Variants in EML6 observed in about 807,000 individuals in gnomAD.
EML6 encodes the protein EMAP like 6.
EML6 carries 154 observed loss-of-function variants against 240.1 expected under a neutral mutation model. The ratio of observed to expected loss-of-function variants is 0.64; its 90% CI spans 0.56 to 0.73. EML6 has a LOEUF of 0.73. Ranked by LOEUF, EML6 falls within the 30% of genes least tolerant of loss-of-function variation. The pLI is 0.00. For synonymous variants in EML6, 1,148 were observed against 899.0 expected, an observed-to-expected ratio of 1.28 and a Z score of -4.95; for missense variants, 2,964 against 2,474.6, an observed-to-expected ratio of 1.20 and a Z score of -4.20.
intron 25 of EML6, among the ~76,000 whole-genome samples, chr2:54,915,570 C>T (rs539198479): frequency 1.3e-5 from 2 of 152,178 alleles, no homozygotes; most frequent in South Asian, 4.1e-4. Context: ...AGTCACAGGA[C>T]CAGATTCAGA....
At chr2:54,890,721 G>A (rs1300340863) in intron 17 of EML6, among the ~76,000 whole-genome samples, 2 of 152,050 alleles carry the variant, frequency 1.3e-5, no homozygotes, top group African/African-American at 4.8e-5. Flanking sequence ...CTTTCCTTCT[G>A]CACATCCCCA....
chr2:54,751,478 T>C (rs1400883999), intron 2 of EML6, among the ~76,000 whole-genome samples: 1 of 152,060 alleles, frequency 6.6e-6, no homozygotes, highest in Non-Finnish European at 1.5e-5. Context: ...AGGATTAAAT[T>C]AGAGCTTCTG....
At chr2:54,967,144 G>A in intron 39 of EML6, 41 bp downstream of exon 39, 3 of 1,341,380 alleles carry the variant, frequency 2.2e-6, no homozygotes, top group South Asian at 1.3e-5. Context: ...AAGGTCACAA[G>A]GGAGTCTCTT....
chr2:54,797,549 A>G (rs542921556), intron 2 of EML6, among the ~76,000 whole-genome samples: 1 of 152,308 alleles, frequency 6.6e-6, no homozygotes, highest in African/African-American at 2.4e-5. Context: ...AGTGCATGTA[A>G]AGTCATGTTT....
chr2:54,792,183 C>G (rs537969417), intron 2 of EML6, among the ~76,000 whole-genome samples: 70 of 152,076 alleles, frequency 4.6e-4, no homozygotes, highest in Middle Eastern at 3.4e-3. Context: ...TTCTCTGTAC[C>G]CTTTTGACAT....
chr2:54,962,521 A>T lies in EML6; in HGVS notation c.4969-2A>T. The stretch of plus-strand genomic sequence containing the variant: ...TTTCTAATAGTGTTTCAATTACAAC[A>T]GGGAAAAATCTTAGTGGGAACCAAA... On this transcript the variant is annotated splice_acceptor_variant, in intron 35 of 41. Transcript: ENST00000356458. LOFTEE classifies it high-confidence loss of function. 6.5e-7 allele frequency: 1 copy of T among 1,541,528 alleles called. No homozygotes were observed. Among genetic ancestry groups the T allele is most frequent in the Non-Finnish European group, 8.8e-7 (1 of 1,141,932 alleles).
At chr2:54,730,336 T>G (rs1408118164) in intron 2 of EML6, among the ~76,000 whole-genome samples, 1 of 152,178 alleles carries the variant, frequency 6.6e-6, no homozygotes, top group Non-Finnish European at 1.5e-5. Flanking sequence ...ACAGCCATGA[T>G]TGGGCCTGGA....
rs1035711813 is a variant in EML6, at chr2:54,862,778, C to T, written c.1826-1005C>T. 5.9e-5 allele frequency among the ~76,000 whole-genome samples: 9 copies of T among 152,186 alleles called. No homozygotes were observed. The East Asian group carries it at 9.6e-4, about 16-fold the overall frequency. ...AAGTAGTCAGGGAAAAGAGAATCAT[C>T]ACACATAAGGAAACCTCTATAAAAC... On this transcript the variant is annotated intron_variant, in intron 12 of 41. Coordinates refer to ENST00000356458, the MANE Select transcript of EML6 (RefSeq NM_001039753.4).
chr2:54,951,171 G>C (rs145509224), intron 30 of EML6, among the ~76,000 whole-genome samples: 1 of 152,140 alleles, frequency 6.6e-6, no homozygotes. Flanking sequence ...TAACAGCTCA[G>C]ATTTTTCAAG....
intron 28 of EML6, among the ~76,000 whole-genome samples, chr2:54,933,711 G>C (rs1674983787): frequency 6.6e-6 from 1 of 151,940 alleles, no homozygotes; most frequent in African/African-American, 2.4e-5. Context: ...CAGCCTGGGT[G>C]ACAGAGTGAG....
chr2:54,774,163 T>C lies in EML6; in HGVS notation c.198-39069T>C, dbSNP rs1255785210. On this transcript the variant is annotated intron_variant, in intron 2 of 41. Transcript: ENST00000356458. This position sits in a 1 kb window ranked among gnomAD's most constrained non-coding sequence, Gnocchi z 4.1. ...AAGGGAAGCTAGGAAATGTCTTTAT[T>C]CTTGGCATTTATTTCTGTAAAAGAA... Among the ~76,000 whole-genome samples the C allele has an allele frequency of 6.6e-6, 1 of 152,178 alleles. No homozygotes were observed. Among genetic ancestry groups the C allele is most frequent in the Non-Finnish European group, 1.5e-5 (1 of 68,036 alleles).
chr2:54,892,003 A>G (rs1672493893), intron 18 of EML6, among the ~76,000 whole-genome samples: 1 of 152,226 alleles, frequency 6.6e-6, no homozygotes, highest in African/African-American at 2.4e-5. Flanking sequence ...CTTATATTTT[A>G]CATTTACAGT....
intron 28 of EML6, among the ~76,000 whole-genome samples, chr2:54,936,921 G>C (rs1573179088): frequency 6.7e-6 from 1 of 149,034 alleles, no homozygotes; most frequent in Non-Finnish European, 1.5e-5. Context: ...CTTTGGGCTT[G>C]TTGCCAGTCT....
At chr2:54,924,691 A>AAG (rs1283089993) in intron 26 of EML6, among the ~76,000 whole-genome samples, 1 of 152,108 alleles carries the variant, frequency 6.6e-6, no homozygotes, top group Non-Finnish European at 1.5e-5. Flanking sequence ...CCTCCTGAAT[A>AAG]GCTGGGATCA....
At chr2:54,894,713 CT>C (rs1310139610) in intron 19 of EML6, among the ~76,000 whole-genome samples, 3 of 152,212 alleles carry the variant, frequency 2.0e-5, no homozygotes, top group Admixed American at 1.3e-4. Context: ...TGAGAACGTG[CT>C]TAATCTTGCT....
chr2:54,790,984 C>G (rs1669416660), intron 2 of EML6, among the ~76,000 whole-genome samples: 1 of 152,130 alleles, frequency 6.6e-6, no homozygotes, highest in Non-Finnish European at 1.5e-5. Context: ...CTCGGCCTCC[C>G]AAAGTGCTGG....
chr2:54,959,394 GCT>G (rs755535959), intron 34 of EML6, 133 bp downstream of exon 34: 6 of 846,514 alleles, frequency 7.1e-6, no homozygotes, highest in Non-Finnish European at 1.1e-5. Flanking sequence ...AGATCAGTCT[GCT>G]CTCTCTCCAA....
intron 2 of EML6, among the ~76,000 whole-genome samples, chr2:54,803,660 C>T (rs1670298789): frequency 1.3e-5 from 2 of 152,182 alleles, no homozygotes; most frequent in Admixed American, 6.5e-5. Flanking sequence ...GGTATCAAAA[C>T]GGCTTGAAGA....
chr2:54,833,163 T>C (rs1014232304), intron 7 of EML6, among the ~76,000 whole-genome samples: 1 of 152,220 alleles, frequency 6.6e-6, no homozygotes, highest in Non-Finnish European at 1.5e-5. Context: ...TAGCAAAAAT[T>C]AAGAAATTGC....
Sources: allele counts gnomAD v4.1 joint callset (sites outside exome capture counted in the v4.1 genomes callset), GRCh38; gene constraint gnomAD v4.1.1; non-coding constraint Gnocchi (gnomAD v3.1); transcripts MANE v1.5; gene names NCBI Gene and HGNC (gene_info 2026-07-23, HGNC 2026-07-21).